PKHD1: variants seen among roughly 807,000 people sequenced by gnomAD.
PKHD1 encodes fibrocystin.
A neutral mutation model predicts 412.0 loss-of-function variants in PKHD1; 291 were observed. The observed-to-expected ratio is 0.71, with a 90% CI of 0.64 to 0.78. The LOEUF is 0.78. Among genes scored for constraint, PKHD1 ranks in the 30% least tolerant of loss-of-function variants. The pLI is 0.00. For missense variants in PKHD1, 4,825 were observed against 4,950.7 expected (o/e 0.97, Z 0.76); for synonymous variants, 1,777 against 1,821.5 (o/e 0.98, Z 0.62).
chr6:51,805,941 A>G (rs1476602517), intron 52 of PKHD1, among the ~76,000 whole-genome samples: 1 of 152,136 alleles, frequency 6.6e-6, no homozygotes, highest in African/African-American at 2.4e-5. Flanking sequence ...TAGTGCCACA[A>G]TAAACATACG....
intron 60 of PKHD1, among the ~76,000 whole-genome samples, chr6:51,691,371 C>T (rs1778137160): frequency 1.3e-5 from 2 of 152,112 alleles, no homozygotes; most frequent in South Asian, 4.1e-4. Flanking sequence ...TTTGTTGCAG[C>T]ACTATTCACA....
chr6:52,068,505 T>C (rs866283497), intron 11 of PKHD1, among the ~76,000 whole-genome samples: 6 of 152,210 alleles, frequency 3.9e-5, no homozygotes, highest in Admixed American at 1.3e-4. Flanking sequence ...AGATTTGGAA[T>C]TAGAACTACA....
chr6:51,763,301 G>T (rs1215838649), intron 55 of PKHD1, among the ~76,000 whole-genome samples: 1 of 152,120 alleles, frequency 6.6e-6, no homozygotes, highest in East Asian at 1.9e-4. Context: ...CTTAGTAGAG[G>T]CCTGACATAT....
At chr6:51,782,665 A>G (rs1286879393) in intron 53 of PKHD1, among the ~76,000 whole-genome samples, 6 of 152,166 alleles carry the variant, frequency 3.9e-5, no homozygotes, top group East Asian at 1.9e-4. Context: ...CTTATATTAT[A>G]CACATTGCAT....
intron 64 of PKHD1, among the ~76,000 whole-genome samples, chr6:51,635,650 GT>G (rs1768433283): frequency 6.6e-6 from 1 of 152,036 alleles, no homozygotes; most frequent in Admixed American, 6.6e-5. Flanking sequence ...ACTAAAGTGA[GT>G]TTATAAGACA....
rs10534219 is a variant in PKHD1, at chr6:51,758,014, AAG to A, written c.8643-3078_8643-3077del. On this transcript the variant is annotated intron_variant, in intron 55 of 66. Coordinates refer to ENST00000371117, the MANE Select transcript of PKHD1 (RefSeq NM_138694.4). ...GGGCAACAGAATGAGACCCTGCCAA[AAG>A]AGAGAGAGAGAGAGAGAGAGAGAGA... is the stretch of plus-strand genomic sequence containing the variant. Among the ~76,000 whole-genome samples the A allele has an allele frequency of 7.1e-3, 899 of 126,100 alleles. 7 individuals carry two copies. The highest frequency in any genetic ancestry group is 0.012 in the Middle Eastern group (3 of 248). The allele number at this position is 126,100 out of a possible 152,430, so 82.7% of individuals were successfully genotyped here. A position where few individuals can be genotyped will look rare whatever the true frequency, so the allele number is the denominator to read the frequency against.
Position 51,899,468 on chromosome 6 carries a change from C to A in PKHD1, c.6996+4129G>T, listed in dbSNP as rs575218414. ...AAGGCCTTTGACAAAATTCAACAAC[C>A]CTTCATGCTAAAAACTCTCAATAAA... On this transcript the variant is annotated intron_variant, in intron 43 of 66. Transcript: ENST00000371117. Among the ~76,000 whole-genome samples, 89 of 152,010 alleles carry A rather than the reference C, an allele frequency of 5.9e-4. 1 individual carries two copies. The East Asian group carries it at 7.7e-3, about 13-fold the overall frequency.
chr6:51,868,999 A>G (rs1775527722), intron 47 of PKHD1, among the ~76,000 whole-genome samples: 1 of 152,176 alleles, frequency 6.6e-6, no homozygotes, highest in South Asian at 2.1e-4. Context: ...TATATTATGT[A>G]CATTATAAAA....
At chr6:51,695,329 T>C (rs1415963158) in intron 60 of PKHD1, among the ~76,000 whole-genome samples, 1 of 152,178 alleles carries the variant, frequency 6.6e-6, no homozygotes, top group African/African-American at 2.4e-5. Flanking sequence ...GTCTTTATAA[T>C]GTAACCTCAA....
chr6:51,691,926 C>T (rs781020260), intron 60 of PKHD1, among the ~76,000 whole-genome samples: 23 of 152,096 alleles, frequency 1.5e-4, no homozygotes, highest in Non-Finnish European at 2.4e-4. Flanking sequence ...TAATGGCAAA[C>T]GCTGGCTCTT....
At chr6:51,735,527 A>T (rs1487560497) in intron 60 of PKHD1, among the ~76,000 whole-genome samples, 1 of 152,208 alleles carries the variant, frequency 6.6e-6, no homozygotes, top group Non-Finnish European at 1.5e-5. Context: ...AGAGCTTTGT[A>T]TGCGATGAAA....
chr6:51,813,425 G>C (rs1764992656), intron 52 of PKHD1, among the ~76,000 whole-genome samples: 1 of 152,126 alleles, frequency 6.6e-6, no homozygotes, highest in South Asian at 2.1e-4. Flanking sequence ...AACTGTTCCT[G>C]TGTTTAAATG....
In PKHD1 at chr6:51,735,260, G is replaced by T. The variant is rs541914454; in HGVS notation, c.10156+9125C>A. ...CAGACAAATATAGATTTAAATCTTG[G>T]TTCTGCACATTCTAACTGTGGGACT... On this transcript the variant is annotated intron_variant, in intron 60 of 66. Transcript: ENST00000371117. 1.8e-3 allele frequency among the ~76,000 whole-genome samples: 273 copies of T among 152,224 alleles called. 2 individuals carry two copies. The highest frequency in any genetic ancestry group is 6.2e-3 in the African/African-American group (257 of 41,550).
chr6:51,895,512 T>G (rs1779766363), intron 43 of PKHD1, among the ~76,000 whole-genome samples: 2 of 152,258 alleles, frequency 1.3e-5, no homozygotes, highest in South Asian at 2.1e-4. Context: ...TTACTTTCCT[T>G]TTTCTTCCCC....
chr6:51,855,749 T>G, intron 49 of PKHD1, 144 bp downstream of exon 49: 1 of 719,614 alleles, frequency 1.4e-6, no homozygotes, highest in Non-Finnish European at 2.5e-6. Context: ...AAAATACTAT[T>G]GAAGTTTTCT....
At chr6:51,747,697 CT>C in intron 58 of PKHD1, 89 bp downstream of exon 58, 1 of 1,153,886 alleles carries the variant, frequency 8.7e-7, no homozygotes, top group Non-Finnish European at 1.3e-6. Context: ...CACAATGTAC[CT>C]TTTTGTTGAT....
intron 4 of PKHD1, 33 bp from the exon 5 acceptor site, chr6:52,080,041 A>G (rs758529117): frequency 1.2e-5 from 15 of 1,285,324 alleles, no homozygotes; most frequent in Non-Finnish European, 1.7e-5. Context: ...CTTATGAATC[A>G]AAAACCATGA....
chr6:51,667,894 C>T (rs1774121975), intron 60 of PKHD1, among the ~76,000 whole-genome samples: 1 of 151,848 alleles, frequency 6.6e-6, no homozygotes, highest in Non-Finnish European at 1.5e-5. Flanking sequence ...TGTTCTGTTC[C>T]ATTGATCTAT....
At chr6:51,962,122 G>A (rs560128740) in intron 35 of PKHD1, among the ~76,000 whole-genome samples, 2 of 152,004 alleles carry the variant, frequency 1.3e-5, no homozygotes, top group African/African-American at 4.8e-5. Flanking sequence ...GGCCAGGATC[G>A]CCCAAAGACT....
Sources: allele counts gnomAD v4.1 joint callset (sites outside exome capture counted in the v4.1 genomes callset), GRCh38; gene constraint gnomAD v4.1.1; transcripts MANE v1.5; gene names NCBI Gene and HGNC (gene_info 2026-07-23, HGNC 2026-07-21).